KLHL3: variants seen among roughly 807,000 people sequenced by gnomAD.
The protein encoded by KLHL3 is kelch-like protein 3.
A neutral mutation model predicts 70.5 loss-of-function variants in KLHL3; 19 were observed. The observed-to-expected ratio is 0.27, with a 90% CI of 0.19 to 0.40. The LOEUF is 0.40. Ranked by LOEUF, KLHL3 falls within the 10% of genes least tolerant of loss-of-function variation. KLHL3 has a pLI of 1.00. For synonymous variants in KLHL3, 258 were observed against 290.3 expected (o/e 0.89, Z 1.13); for missense variants, 512 against 771.1 (o/e 0.66, Z 3.98).
intron 4 of KLHL3, among the ~76,000 whole-genome samples, chr5:137,693,687 T>G (rs1390343564): frequency 6.6e-6 from 1 of 152,122 alleles, no homozygotes; most frequent in Admixed American, 6.5e-5. Flanking sequence ...GGCATCCACT[T>G]CACCCCAAAA....
chr5:137,692,162 C>T (rs1752338735), intron 5 of KLHL3, 123 bp downstream of exon 5: 3 of 830,232 alleles, frequency 3.6e-6, no homozygotes, highest in Non-Finnish European at 5.7e-6. Context: ...ACCTGTATCC[C>T]TAACTAAATC....
At chr5:137,677,995 T>C (rs1294694963) in intron 5 of KLHL3, among the ~76,000 whole-genome samples, 1 of 152,188 alleles carries the variant, frequency 6.6e-6, no homozygotes, top group Non-Finnish European at 1.5e-5. Context: ...ATTGAGCTTA[T>C]TTCCCCTCAG....
chr5:137,634,452 G>A (rs1472501803), intron 11 of KLHL3, among the ~76,000 whole-genome samples: 1 of 152,176 alleles, frequency 6.6e-6, no homozygotes, highest in Non-Finnish European at 1.5e-5. Context: ...TGGCACCACT[G>A]GGGCTCAACA....
intron 3 of KLHL3, chr5:137,706,013 G>GTTAGACTGT: frequency 1.0e-6 from 1 of 985,404 alleles, no homozygotes; most frequent in Non-Finnish European, 1.2e-6. Context: ...TTATAGACTG[G>GTTAGACTGT]TTGGATTGGG....
intron 1 of KLHL3, among the ~76,000 whole-genome samples, chr5:137,730,113 G>T (rs1362390368): frequency 1.3e-5 from 2 of 152,276 alleles, no homozygotes; most frequent in African/African-American, 2.4e-5. Context: ...CTAGGAAGTA[G>T]GTAGCATTAT....
chr5:137,683,029 T>A (rs1041923590), intron 5 of KLHL3, among the ~76,000 whole-genome samples: 1 of 152,206 alleles, frequency 6.6e-6, no homozygotes, highest in African/African-American at 2.4e-5. Flanking sequence ...ATGCTTAGAA[T>A]GGTGTTAGCT....
At chr5:137,634,858 G>T (rs115462414) in intron 11 of KLHL3, among the ~76,000 whole-genome samples, 3,370 of 152,256 alleles carry the variant, frequency 0.022, 139 homozygotes, top group African/African-American at 0.076. Flanking sequence ...GGGGCTGGGG[G>T]CTGAGGGCTG....
At chr5:137,689,810 G>T (rs1042009156) in intron 5 of KLHL3, among the ~76,000 whole-genome samples, 8 of 152,120 alleles carry the variant, frequency 5.3e-5, no homozygotes, top group Non-Finnish European at 1.2e-4. Flanking sequence ...CTTGAATCTA[G>T]AATGTAATTT....
rs147312978 is a variant in KLHL3, at chr5:137,709,062, T to C, written c.241+688A>G. 9.2e-3 allele frequency among the ~76,000 whole-genome samples: 1,402 copies of C among 152,316 alleles called. 23 individuals are homozygous for C. Among genetic ancestry groups the C allele is most frequent in the African/African-American group, 0.032 (1,318 of 41,564 alleles). On this transcript the variant is annotated intron_variant, in intron 3 of 14. Coordinates refer to ENST00000309755, the MANE Select transcript of KLHL3 (RefSeq NM_017415.3). ...AGCTCAGCCTGTGGGTTTCAGGTAATTCAATCTCAGAACTAACAGATGGGA... is the reference window on the plus strand; with the variant it reads ...AGCTCAGCCTGTGGGTTTCAGGTAACTCAATCTCAGAACTAACAGATGGGA...
intron 1 of KLHL3, among the ~76,000 whole-genome samples, chr5:137,733,483 GA>G (rs1477510867): frequency 6.6e-6 from 1 of 152,138 alleles, no homozygotes; most frequent in Non-Finnish European, 1.5e-5. Flanking sequence ...TGCCCTTGAG[GA>G]CCTGTCTCCA....
chr5:137,690,326 C>CAAA (rs35864411), intron 5 of KLHL3, among the ~76,000 whole-genome samples: 9 of 140,774 alleles, frequency 6.4e-5, no homozygotes, highest in Non-Finnish European at 1.4e-4. Flanking sequence ...GACTCCATCT[C>CAAA]AAAAAAAAAA....
chr5:137,703,680 T>C (rs1187393853), intron 3 of KLHL3, among the ~76,000 whole-genome samples: 1 of 152,084 alleles, frequency 6.6e-6, no homozygotes, highest in African/African-American at 2.4e-5. Flanking sequence ...TGTGTGAGAA[T>C]CAAAGGAGAC....
chr5:137,734,659 G>A (rs1753232537), intron 1 of KLHL3, among the ~76,000 whole-genome samples: 1 of 152,124 alleles, frequency 6.6e-6, no homozygotes, highest in Admixed American at 6.5e-5. Context: ...TGGCAATCTG[G>A]AGCAGCAGGC....
intron 1 of KLHL3, among the ~76,000 whole-genome samples, chr5:137,726,405 C>G (rs1753085703): frequency 6.6e-6 from 1 of 152,272 alleles, no homozygotes; most frequent in South Asian, 2.1e-4. Context: ...ATGTGCCAAG[C>G]AGATGAACCG....
intron 6 of KLHL3, among the ~76,000 whole-genome samples, chr5:137,665,446 CAT>C (rs1232153397): frequency 5.3e-5 from 8 of 152,186 alleles, no homozygotes; most frequent in African/African-American, 1.9e-4. Context: ...GGTGAAGTGT[CAT>C]AATGTCTGCA....
intron 5 of KLHL3, among the ~76,000 whole-genome samples, chr5:137,680,715 T>G (rs1344080782): frequency 1.3e-5 from 2 of 152,124 alleles, no homozygotes; most frequent in Non-Finnish European, 2.9e-5. Context: ...GCTTATCTTT[T>G]GTATTTTTAG....
At chr5:137,706,588 T>C (rs1752690160) in intron 3 of KLHL3, among the ~76,000 whole-genome samples, 1 of 152,194 alleles carries the variant, frequency 6.6e-6, no homozygotes, top group Non-Finnish European at 1.5e-5. Context: ...GGAATGTACA[T>C]AAAGATTAAG....
At chr5:137,713,828 C>T (rs531175860) in intron 2 of KLHL3, among the ~76,000 whole-genome samples, 2 of 152,224 alleles carry the variant, frequency 1.3e-5, no homozygotes, top group South Asian at 2.1e-4. Flanking sequence ...CAAACTGTTA[C>T]AACTCAATAA....
At chr5:137,707,118 T>A (rs1031643649) in intron 3 of KLHL3, among the ~76,000 whole-genome samples, 7 of 151,046 alleles carry the variant, frequency 4.6e-5, no homozygotes, top group Non-Finnish European at 8.9e-5. Context: ...AATAGCAATT[T>A]AAAAAAAAAT....
Sources: gnomAD v4.1 joint callset for allele counts (sites outside exome capture counted in the v4.1 genomes callset) on GRCh38, gnomAD v4.1.1 for gene constraint, MANE v1.5 for transcripts, NCBI Gene and HGNC (gene_info 2026-07-23, HGNC 2026-07-21) for gene names.